The following ECH1 variants were observed in gnomAD, a reference collection of about 807,000 sequenced individuals.
The protein encoded by ECH1 is delta(3,5)-Delta(2,4)-dienoyl-CoA isomerase, mitochondrial.
In ECH1, 30 loss-of-function variants were observed where a neutral mutation model predicts 37.0. The ratio of observed to expected loss-of-function variants is 0.81; its 90% CI spans 0.61 to 1.10. The LOEUF (loss-of-function observed/expected upper bound fraction) is 1.10. Among genes scored for constraint, ECH1 ranks in the 50% least tolerant of loss-of-function variants. The pLI, the probability that ECH1 is intolerant of heterozygous loss-of-function variation, is 0.00. For synonymous variants in ECH1, 178 were observed against 176.0 expected (o/e 1.01, Z -0.09); for missense variants, 456 against 441.6 (o/e 1.03, Z -0.29).
intron 3 of ECH1, among the ~76,000 whole-genome samples, chr19:38,829,285 CAAAAAAAAA>C (rs35813067): frequency 1.6e-5 from 1 of 64,244 alleles, no homozygotes; most frequent in East Asian, 4.7e-4. Context: ...ACTCCTTCTC[CAAAAAAAAA>C]AAAAAAAAAA....
chr19:38,817,232 T>G (rs1202706696), intron 5 of ECH1, 84 bp downstream of exon 5: 2 of 1,538,440 alleles, frequency 1.3e-6, no homozygotes, highest in Non-Finnish European at 1.8e-6. Context: ...ATGACAGAGC[T>G]GAGGCTGGAT....
At chr19:38,815,744 C>T (rs374473358) in intron 9 of ECH1, 27 bp from the exon 10 acceptor site, 2 of 1,613,898 alleles carry the variant, frequency 1.2e-6, no homozygotes, top group African/African-American at 1.3e-5. Context: ...TGAGAGAGAA[C>T]GAGGAGAGAG....
At chr19:38,816,948 G>T in intron 6 of ECH1, 117 bp downstream of exon 6, 2 of 1,189,318 alleles carry the variant, frequency 1.7e-6, no homozygotes, top group Non-Finnish European at 2.4e-6. Flanking sequence ...CTATGGGCAA[G>T]TCTTACTTTG....
intron 3 of ECH1, chr19:38,818,393 C>T (rs1035537508): frequency 2.0e-6 from 2 of 985,300 alleles, no homozygotes; most frequent in Non-Finnish European, 2.4e-6. Context: ...GCCCACCCTG[C>T]TCTCCCTGTT....
chr19:38,816,249 C>T (rs748519860), intron 8 of ECH1, 35 bp downstream of exon 8: 2 of 1,608,914 alleles, frequency 1.2e-6, no homozygotes, highest in Non-Finnish European at 1.7e-6. Context: ...GGCCTGGCTG[C>T]CCCCAGCACT....
chr19:38,816,814 C>G, intron 6 of ECH1: 1 of 624,100 alleles, frequency 1.6e-6, no homozygotes. Context: ...ACTGCATCCC[C>G]CGGCTCCATC....
At chr19:38,816,659 T>TGC (rs1971581901) in intron 6 of ECH1, 136 bp from the exon 7 acceptor site, 1 of 1,097,828 alleles carries the variant, frequency 9.1e-7, no homozygotes, top group Admixed American at 2.0e-5. Flanking sequence ...AAAGTCCCAT[T>TGC]CCATTGCCCA....
At chr19:38,831,215 C>T (rs754303338) in intron 2 of ECH1, 49 bp from the exon 3 acceptor site, 7 of 1,611,242 alleles carry the variant, frequency 4.3e-6, no homozygotes, top group Middle Eastern at 1.7e-4. Flanking sequence ...AATACCCTGC[C>T]CTCATGTCCA....
chr19:38,818,932 T>TGTGTGTGC (rs144733422), intron 3 of ECH1, among the ~76,000 whole-genome samples: 13 of 142,752 alleles, frequency 9.1e-5, no homozygotes, highest in African/African-American at 1.3e-4. Flanking sequence ...TGTGTGTGTG[T>TGTGTGTGC]GCACTGTTCC....
chr19:38,816,602 T>C, intron 6 of ECH1, 79 bp from the exon 7 acceptor site: 1 of 1,515,658 alleles, frequency 6.6e-7, no homozygotes, highest in Non-Finnish European at 9.1e-7. Context: ...TGAAATTTCA[T>C]GTCTACTGGA....
chr19:38,823,253 GC>G, intron 3 of ECH1: 1 of 171,720 alleles, frequency 5.8e-6, no homozygotes, highest in Non-Finnish European at 1.2e-5. Flanking sequence ...ACGAGATTCT[GC>G]GGCTTCATTC....
intron 6 of ECH1, 62 bp from the exon 7 acceptor site, chr19:38,816,585 A>G (rs375042165): frequency 2.0e-5 from 31 of 1,580,422 alleles, no homozygotes; most frequent in Non-Finnish European, 2.6e-5. Context: ...CGCAATGTCA[A>G]CGTCCATGAA....
intron 3 of ECH1, among the ~76,000 whole-genome samples, chr19:38,826,413 G>C (rs1971739235): frequency 6.6e-6 from 1 of 152,164 alleles, no homozygotes; most frequent in South Asian, 2.1e-4. Context: ...AACGATTACA[G>C]AATATTGTTA....
At chr19:38,828,581 C>T (rs969064493) in intron 3 of ECH1, among the ~76,000 whole-genome samples, 7 of 151,552 alleles carry the variant, frequency 4.6e-5, no homozygotes, top group African/African-American at 1.7e-4. Context: ...CAAGATGACC[C>T]AGATGTTGAG....
Position 38,831,684 on chromosome 19 carries a change from A to C in ECH1, c.52+37T>G, listed in dbSNP as rs1265017051. On this transcript the variant is annotated intron_variant, in intron 1 of 9. Transcript: ENST00000221418. ...CCTACATCTGCTATAACAGCACGAC[A>C]GCGCGACGCACCCCCATAAGGCAAG... 3 of 1,612,636 alleles carry C rather than the reference A, an allele frequency of 1.9e-6. No individual in the cohort carries two copies. The African/African-American group carries it at 4.0e-5, about 21-fold the overall frequency.
At chr19:38,822,622 G>A (rs1246367373) in intron 3 of ECH1, among the ~76,000 whole-genome samples, 1 of 152,192 alleles carries the variant, frequency 6.6e-6, no homozygotes, top group Non-Finnish European at 1.5e-5. Context: ...GTTTGTAAAT[G>A]CACCAATCAG....
Position 38,816,265 on chromosome 19 carries a change from ACCACGGC to A in ECH1, c.731+12_731+18del. ...GCCTGGCTGCCCCCAGCACTGAGCT[ACCACGGC>A]CATGGCCCTACCTGACCAGCCCACT... On this transcript the variant is annotated intron_variant, in intron 8 of 9. Transcript: ENST00000221418. The A allele has an allele frequency of 1.2e-6, 2 of 1,612,006 alleles. No individual in the cohort carries two copies. Among genetic ancestry groups the A allele is most frequent in the Non-Finnish European group, 1.7e-6 (2 of 1,179,892 alleles).
chr19:38,825,559 T>C (rs1013687759), intron 3 of ECH1, among the ~76,000 whole-genome samples: 2 of 152,064 alleles, frequency 1.3e-5, no homozygotes, highest in Non-Finnish European at 2.9e-5. Flanking sequence ...GGAGGCATTA[T>C]CAAAACCTGG....
At chr19:38,817,691 A>G in intron 3 of ECH1, 116 bp from the exon 4 acceptor site, 5 of 1,435,810 alleles carry the variant, frequency 3.5e-6, no homozygotes, top group Non-Finnish European at 3.7e-6. Flanking sequence ...AAGGCGGAAA[A>G]AAAACAACTC....
Sources: allele counts gnomAD v4.1 joint callset (sites outside exome capture counted in the v4.1 genomes callset), GRCh38; gene constraint gnomAD v4.1.1; transcripts MANE v1.5; gene names NCBI Gene and HGNC (gene_info 2026-07-23, HGNC 2026-07-21).